The following CAMSAP2 variants were observed in gnomAD, a reference collection of about 807,000 sequenced individuals.
CAMSAP2 encodes the protein calmodulin-regulated spectrin-associated protein 2.
A neutral mutation model predicts 146.1 loss-of-function variants in CAMSAP2; 26 were observed. That is an observed-to-expected ratio of 0.18 (90% CI 0.13 to 0.25). The LOEUF (loss-of-function observed/expected upper bound fraction) is 0.25, where lower values mean the gene tolerates loss of function less well. CAMSAP2 is among the 10% of genes least tolerant of loss of function. CAMSAP2 has a pLI of 1.00. For missense variants in CAMSAP2, 1,381 were observed against 1,759.3 expected (o/e 0.78, Z 3.85); for synonymous variants, 499 against 596.6 (o/e 0.84, Z 2.38).
At chr1:200,759,237 CTCTT>C (rs1203365492) in intron 1 of CAMSAP2, among the ~76,000 whole-genome samples, 1 of 150,868 alleles carries the variant, frequency 6.6e-6, no homozygotes, top group East Asian at 1.9e-4. Context: ...TTTAGAAAGG[CTCTT>C]TTTTTTCTGA....
At chr1:200,817,203 TAC>T (rs1279999603) in intron 4 of CAMSAP2, among the ~76,000 whole-genome samples, 19 of 99,756 alleles carry the variant, frequency 1.9e-4, no homozygotes, top group East Asian at 1.9e-3. Flanking sequence ...TGTGTGTGTA[TAC>T]ACACATACAC....
In CAMSAP2 at chr1:200,849,641, C is replaced by T. The variant is rs771840717; in HGVS notation, c.2872C>T (p.Pro958Ser). Residue 958 changes from proline to serine, a missense_variant, in exon 11 of 17, where the codon CCA becomes TCA. Physicochemically the swap from Pro to Ser is moderately conservative, Grantham distance 74. Transcript: ENST00000358823. The surrounding 1 kb of genome is among the most constrained non-coding windows in gnomAD (Gnocchi z 6.3). ...FSSDSPRPTHPSPQSSNRKSA... is the reference protein window; with the variant it reads ...FSSDSPRPTHSSPQSSNRKSA... ...CTCAGACTCCCCTCGTCCTACTCAC[C>T]CATCTCCACAGTCTTCTAACAGGAA... 4.3e-6 allele frequency: 7 copies of T among 1,614,062 alleles called. No individual in the cohort carries two copies. Among genetic ancestry groups the T allele is most frequent in the Middle Eastern group, 1.6e-4 (1 of 6,084 alleles).
chr1:200,810,528 A>G (rs1206653158), intron 3 of CAMSAP2, among the ~76,000 whole-genome samples: 1 of 150,028 alleles, frequency 6.7e-6, no homozygotes, highest in Non-Finnish European at 1.5e-5. Flanking sequence ...GTGTGCCGAG[A>G]TGGCGCCACG....
At chr1:200,807,739 C>CTT (rs397948290) in intron 3 of CAMSAP2, among the ~76,000 whole-genome samples, 75 of 131,390 alleles carry the variant, frequency 5.7e-4, no homozygotes, top group Non-Finnish European at 7.9e-4. Flanking sequence ...TATGATTACT[C>CTT]TTTTTTTTTT....
chr1:200,845,304 C>T (rs898035098), intron 8 of CAMSAP2, among the ~76,000 whole-genome samples: 1 of 151,320 alleles, frequency 6.6e-6, no homozygotes, highest in Non-Finnish European at 1.5e-5. Context: ...ACAGTGTTAC[C>T]CACACAACGG....
At chr1:200,808,570 C>G (rs1306869889) in intron 3 of CAMSAP2, among the ~76,000 whole-genome samples, 1 of 152,160 alleles carries the variant, frequency 6.6e-6, no homozygotes, top group Non-Finnish European at 1.5e-5. Flanking sequence ...TAATACTTTG[C>G]CTCTGGAGTT....
intron 1 of CAMSAP2, among the ~76,000 whole-genome samples, chr1:200,749,195 G>C (rs1377891406): frequency 1.6e-4 from 24 of 152,208 alleles, no homozygotes; most frequent in Admixed American, 1.6e-3. Context: ...TCTGCTGATA[G>C]TGTGGTCACC....
At chr1:200,821,181 C>CT (rs1004489840) in intron 4 of CAMSAP2, among the ~76,000 whole-genome samples, 42 of 148,066 alleles carry the variant, frequency 2.8e-4, no homozygotes, top group African/African-American at 7.7e-4. Context: ...TCTTCTTCTT[C>CT]TTTTTTTTTT....
intron 4 of CAMSAP2, among the ~76,000 whole-genome samples, chr1:200,817,341 CAT>C (rs72323882): frequency 0.1 from 15,075 of 151,292 alleles, 844 homozygotes; most frequent in Middle Eastern, 0.14. Flanking sequence ...GAAACATTAA[CAT>C]GGATTTATTC....
chr1:200,748,575 A>G (rs1346026354), intron 1 of CAMSAP2, among the ~76,000 whole-genome samples: 4 of 150,660 alleles, frequency 2.7e-5, no homozygotes, highest in Non-Finnish European at 5.9e-5. Context: ...TTCTTAATGT[A>G]TAGGCTCCTT....
intron 6 of CAMSAP2, among the ~76,000 whole-genome samples, chr1:200,834,547 T>C (rs1667137164): frequency 6.6e-6 from 1 of 152,208 alleles, no homozygotes; most frequent in Non-Finnish European, 1.5e-5. Context: ...GAGTCAATAA[T>C]ATAAAGTCAA....
intron 2 of CAMSAP2, among the ~76,000 whole-genome samples, chr1:200,765,364 G>A (rs1433451842): frequency 1.3e-5 from 2 of 151,872 alleles, no homozygotes; most frequent in African/African-American, 2.4e-5. Flanking sequence ...CGAGTAGCTG[G>A]GTAAATTACA....
At chr1:200,811,235 T>C (rs1470182304) in intron 3 of CAMSAP2, among the ~76,000 whole-genome samples, 3 of 152,210 alleles carry the variant, frequency 2.0e-5, no homozygotes, top group African/African-American at 4.8e-5. Context: ...CTGTCTCCCC[T>C]GTGGTGGCAG....
intron 2 of CAMSAP2, among the ~76,000 whole-genome samples, chr1:200,784,765 A>C (rs1291529483): frequency 6.6e-6 from 1 of 152,194 alleles, no homozygotes; most frequent in Non-Finnish European, 1.5e-5. Flanking sequence ...ACTGCCAAAC[A>C]CTAACAGTTA....
At chr1:200,847,538 G>A (rs891940651) in intron 9 of CAMSAP2, 102 bp from the exon 10 acceptor site, 5 of 921,100 alleles carry the variant, frequency 5.4e-6, no homozygotes, top group Non-Finnish European at 8.7e-6. Flanking sequence ...TATTTAATTT[G>A]TATTGCTATT....
At position 200,816,732 on chromosome 1, in the gene CAMSAP2, G is replaced by A. The variant is rs201184931; in HGVS notation, c.645+1088G>A. Among the ~76,000 whole-genome samples the A allele has an allele frequency of 4.8e-4, 38 of 79,812 alleles. 8 individuals carry two copies. In the East Asian group the frequency reaches 8.6e-3, roughly 18 times the overall value. 52.4% of individuals were successfully genotyped at this position (79,812 alleles called of 152,430 possible). A position where few individuals can be genotyped will look rare whatever the true frequency, so the allele number is the denominator to read the frequency against. On this transcript the variant is annotated intron_variant, in intron 4 of 16. Transcript: ENST00000358823. ...TATATATACACACGCACATATATGT[G>A]TGTACACACACACGCGTGTATATAT...
At chr1:200,751,340 A>G (rs948732992) in intron 1 of CAMSAP2, among the ~76,000 whole-genome samples, 1 of 151,880 alleles carries the variant, frequency 6.6e-6, no homozygotes, top group East Asian at 1.9e-4. Flanking sequence ...CTCCTATAAA[A>G]TGAAGGATAG....
At chr1:200,752,872 C>T (rs1363779852) in intron 1 of CAMSAP2, among the ~76,000 whole-genome samples, 1 of 152,096 alleles carries the variant, frequency 6.6e-6, no homozygotes, top group East Asian at 1.9e-4. Flanking sequence ...CCGCCTCGGC[C>T]TCTCAAAGTG....
Position 200,849,288 on chromosome 1 carries a change from G to T in CAMSAP2, c.2519G>T (p.Ser840Ile), listed in dbSNP as rs773144387. Residue 840 changes from serine (S) to isoleucine (I), a missense_variant, in exon 11 of 17, where the codon AGC becomes ATC. Physicochemically the swap from Ser to Ile is moderately radical, Grantham distance 142. This residue lies in a region of CAMSAP2 where 560 missense variants were observed against 715.9 expected (regional missense o/e 0.78). Coordinates refer to ENST00000358823, the MANE Select transcript of CAMSAP2 (RefSeq NM_203459.4). This position sits in a 1 kb window ranked among gnomAD's most constrained non-coding sequence, Gnocchi z 6.3. ...AAGTCACTGGCAGATATAAAAGAGA[G>T]CATGGAGAATCCTCAAGCCAAATGG... ...RSKSLADIKE[S>I]MENPQAKWLK... 4.3e-6 allele frequency: 7 copies of T among 1,613,844 alleles called. No individual in the cohort carries two copies. The African/African-American group carries it at 9.3e-5, about 22-fold the overall frequency.
Sources: gnomAD v4.1 joint callset for allele counts (sites outside exome capture counted in the v4.1 genomes callset) on GRCh38, gnomAD v4.1.1 for gene constraint, gnomAD v4.1.1 regional missense constraint, Gnocchi (gnomAD v3.1) non-coding constraint, MANE v1.5 for transcripts, NCBI Gene and HGNC (gene_info 2026-07-23, HGNC 2026-07-21) for gene names.